SYNPO2: variants seen among roughly 807,000 people sequenced by gnomAD.
SYNPO2 encodes the protein synaptopodin 2.
SYNPO2 carries 56 observed loss-of-function variants against 85.0 expected under a neutral mutation model. The ratio of observed to expected loss-of-function variants is 0.66; its 90% CI spans 0.53 to 0.82. The LOEUF (loss-of-function observed/expected upper bound fraction) is 0.82, where lower values mean the gene tolerates loss of function less well. SYNPO2 is among the 40% of genes least tolerant of loss of function. The pLI, the probability that SYNPO2 is intolerant of heterozygous loss-of-function variation, is 0.00. For synonymous variants in SYNPO2, 602 were observed against 591.1 expected (o/e 1.02, Z -0.27); for missense variants, 1,575 against 1,534.2 (o/e 1.03, Z -0.44).
chr4:119,023,300 C>T, intron 1 of SYNPO2, 130 bp from the exon 2 acceptor site: 2 of 921,194 alleles, frequency 2.2e-6, no homozygotes, highest in Non-Finnish European at 1.6e-6. Context: ...TTTAAATGGT[C>T]TTACAGGTTA....
intron 1 of SYNPO2, among the ~76,000 whole-genome samples, chr4:119,010,968 G>A (rs147745488): frequency 4.7e-4 from 71 of 152,306 alleles, no homozygotes; most frequent in African/African-American, 1.7e-3. Context: ...AGCTAGCTCT[G>A]GCCCAGGATC....
chr4:119,026,835 T>C lies in SYNPO2; in HGVS notation c.466T>C (p.Leu156=). 6.2e-7 allele frequency: 1 copy of C among 1,614,070 alleles called. No homozygotes were observed. The highest frequency in any genetic ancestry group is 8.5e-7 in the Non-Finnish European group (1 of 1,180,012). Residue 156 remains leucine, a synonymous_variant, in exon 3 of 5, where the codon TTG becomes CTG. Coordinates refer to ENST00000307142, the MANE Select transcript of SYNPO2 (RefSeq NM_133477.3). The part of the protein sequence containing the change: ...QRSGPDCAGS[L]KEETGPSYQR... The stretch of plus-strand genomic sequence containing the variant: ...AAGTGGTCCCGACTGTGCAGGCAGC[T>C]TGAAAGAAGAAACAGGCCCGAGCTA...
Position 119,030,739 on chromosome 4 carries a change from G to C in SYNPO2, c.1964G>C (p.Trp655Ser), listed in dbSNP as rs571724332. The C allele has an allele frequency of 1.2e-6, 2 of 1,614,148 alleles. No individual in the cohort carries two copies. The highest frequency in any genetic ancestry group is 2.2e-5 in the South Asian group (2 of 91,078). ...CCTCCATGGCCCCAGCCTGCCCCGT[G>C]GTCCCAGCCAGCCTTTTACGATTCG... ...QPPPWPQPAP[W>S]SQPAFYDSSE... is the part of the protein sequence containing the mutation. The change falls in exon 4 of 5, where the codon TGG becomes TCG. Residue 655 changes from tryptophan (W) to serine (S), a missense_variant. By Grantham distance (177) the Trp-to-Ser change is radical. Coordinates refer to ENST00000307142, the MANE Select transcript of SYNPO2 (RefSeq NM_133477.3).
intron 1 of SYNPO2, among the ~76,000 whole-genome samples, chr4:119,004,461 G>C (rs1333258500): frequency 6.8e-6 from 1 of 147,368 alleles, no homozygotes; most frequent in African/African-American, 2.5e-5. Flanking sequence ...CCACCTATGA[G>C]TGAGAACATG....
intron 1 of SYNPO2, among the ~76,000 whole-genome samples, chr4:118,861,594 G>A (rs1168190003): frequency 6.6e-6 from 1 of 152,150 alleles, no homozygotes; most frequent in African/African-American, 2.4e-5. Context: ...ATTTATTGAA[G>A]AGTCTGTCCT....
chr4:118,964,606 C>T (rs923710315), intron 1 of SYNPO2, among the ~76,000 whole-genome samples: 12 of 152,190 alleles, frequency 7.9e-5, no homozygotes, highest in African/African-American at 2.9e-4. Flanking sequence ...CTCCCTCTCA[C>T]TCTGCCTCTC....
rs572502617 is a variant in SYNPO2, at chr4:119,039,349, G to C, written c.3252+7322G>C. ...CCTCCCCTGATTGCAAGAAGACTCA[G>C]GTCACAGGTAAAAGGAACTGCTCAT... On this transcript the variant is annotated intron_variant, in intron 4 of 4. Coordinates refer to ENST00000307142, the MANE Select transcript of SYNPO2 (RefSeq NM_133477.3). 1.2e-4 allele frequency among the ~76,000 whole-genome samples: 19 copies of C among 152,164 alleles called. No individual in the cohort carries two copies. The South Asian group carries it at 2.5e-3, about 20-fold the overall frequency.
Position 118,888,877 on chromosome 4 carries a change from G to A in SYNPO2, c.-160G>A. 1.4e-6 allele frequency: 1 copy of A among 717,784 alleles called. No individual in the cohort carries two copies. Among genetic ancestry groups the A allele is most frequent in the Non-Finnish European group, 2.4e-6 (1 of 422,804 alleles). The allele number at this position is 717,784 out of a possible 1,614,324, so 44.5% of individuals were successfully genotyped here. A position where few individuals can be genotyped will look rare whatever the true frequency, so the allele number is the denominator to read the frequency against. On this transcript the variant is annotated 5_prime_UTR_variant, in exon 1 of 5. Coordinates refer to ENST00000307142, the MANE Select transcript of SYNPO2 (RefSeq NM_133477.3). Reference sequence around the variant, plus strand: ...CCGCACAAATTCGCAGCAGGCGGCTGGGGCGGCGGCTGGGGCAGCGGCTGC... The same window carrying A: ...CCGCACAAATTCGCAGCAGGCGGCTAGGGCGGCGGCTGGGGCAGCGGCTGC...
chr4:119,022,142 A>G (rs1239048705), intron 1 of SYNPO2, among the ~76,000 whole-genome samples: 1 of 152,052 alleles, frequency 6.6e-6, no homozygotes, highest in Non-Finnish European at 1.5e-5. Context: ...GCCCCACTAT[A>G]CTGGGATGGT....
chr4:118,965,176 T>C (rs1486233385), intron 1 of SYNPO2, among the ~76,000 whole-genome samples: 1 of 152,102 alleles, frequency 6.6e-6, no homozygotes, highest in East Asian at 1.9e-4. Flanking sequence ...AAGCTGATAA[T>C]ATATTGCAAA....
At chr4:118,904,165 C>T (rs1261214638) in intron 1 of SYNPO2, among the ~76,000 whole-genome samples, 1 of 152,212 alleles carries the variant, frequency 6.6e-6, no homozygotes, top group Admixed American at 6.5e-5. Flanking sequence ...TCATAACGCT[C>T]ATTTCCAAGG....
rs78223795 is a variant in SYNPO2, at chr4:118,856,317, C to T, written c.12+5377C>T. On this transcript the variant is annotated intron_variant, in intron 1 of 4. Coordinates refer to the SYNPO2 transcript ENST00000610556. Reference sequence around the variant, plus strand: ...AATAATTATTTTTTGAAGTAAGTAACCCAATATCTTCTTGTTCATTGGAGT... The same window carrying T: ...AATAATTATTTTTTGAAGTAAGTAATCCAATATCTTCTTGTTCATTGGAGT... Among the ~76,000 whole-genome samples, 859 of 152,114 alleles carry T rather than the reference C, an allele frequency of 5.6e-3. 7 individuals carry two copies. Among genetic ancestry groups the T allele is most frequent in the African/African-American group, 0.02 (830 of 41,494 alleles).
chr4:118,854,650 T>C (rs1731475903), intron 1 of SYNPO2, among the ~76,000 whole-genome samples: 1 of 152,144 alleles, frequency 6.6e-6, no homozygotes, highest in Non-Finnish European at 1.5e-5. Context: ...CATCTTGTCA[T>C]TATAAAAACA....
At chr4:118,897,731 G>A (rs1433495902) in intron 1 of SYNPO2, among the ~76,000 whole-genome samples, 3 of 152,154 alleles carry the variant, frequency 2.0e-5, no homozygotes, top group Non-Finnish European at 4.4e-5. Context: ...CAGGTCACAT[G>A]GGTATGTATG....
intron 1 of SYNPO2, among the ~76,000 whole-genome samples, chr4:118,998,109 C>T (rs550883468): frequency 3.9e-4 from 60 of 152,226 alleles, no homozygotes; most frequent in Admixed American, 2.8e-3. Flanking sequence ...GCTTGATAAC[C>T]GCATTTTTCA....
At chr4:119,055,902 T>TA (rs908392796) in intron 4 of SYNPO2, among the ~76,000 whole-genome samples, 77 of 147,374 alleles carry the variant, frequency 5.2e-4, no homozygotes, top group Admixed American at 1.2e-3. Context: ...TACCTAATAA[T>TA]AAAAAAAAAA....
At chr4:118,985,926 C>CG (rs1736201014) in intron 1 of SYNPO2, among the ~76,000 whole-genome samples, 1 of 152,194 alleles carries the variant, frequency 6.6e-6, no homozygotes, top group Non-Finnish European at 1.5e-5. Context: ...CGGGGGCCAG[C>CG]TATTTAGCCC....
rs1738183146 is a variant in SYNPO2 at position 119,030,505 on chromosome 4, C to A, written c.1730C>A (p.Ala577Glu). The change falls in exon 4 of 5, where the codon GCA becomes GAA. Residue 577 changes from alanine to glutamate, a missense_variant. This residue lies in a region of SYNPO2 where 1,508 missense variants were observed against 1,446.8 expected (regional missense o/e 1.04). Transcript: ENST00000307142. The part of the protein sequence containing the change: ...QNGFSGTSET[A>E]NIQRMVPMNR... ...GGCTTCAGTGGGACATCTGAGACAGCAAACATCCAGAGGATGGTCCCCATG... is the reference window on the plus strand; with the variant it reads ...GGCTTCAGTGGGACATCTGAGACAGAAAACATCCAGAGGATGGTCCCCATG... 1 of 1,614,082 alleles carries A rather than the reference C, an allele frequency of 6.2e-7. No homozygotes were observed. The highest frequency in any genetic ancestry group is 8.5e-7 in the Non-Finnish European group (1 of 1,179,960).
chr4:118,988,024 G>A (rs1361164099), intron 1 of SYNPO2, among the ~76,000 whole-genome samples: 1 of 152,232 alleles, frequency 6.6e-6, no homozygotes, highest in East Asian at 1.9e-4. Flanking sequence ...AGAGCTATTG[G>A]TTGGGAGAAT....
Sources: allele counts gnomAD v4.1 joint callset (sites outside exome capture counted in the v4.1 genomes callset), GRCh38; gene constraint gnomAD v4.1.1; regional missense constraint gnomAD v4.1.1; transcripts MANE v1.5; gene names NCBI Gene and HGNC (gene_info 2026-07-23, HGNC 2026-07-21).